The following TP53BP1 variants were observed in gnomAD, a reference collection of about 807,000 sequenced individuals.
TP53BP1 encodes tumor protein p53 binding protein 1.
Under a neutral mutation model 200.8 loss-of-function variants are expected in TP53BP1, and 61 were observed. That is an observed-to-expected ratio of 0.30 (90% CI 0.25 to 0.38). The LOEUF (loss-of-function observed/expected upper bound fraction) is 0.38. TP53BP1 is among the 10% of genes least tolerant of loss of function. The pLI is 1.00. For missense variants in TP53BP1, 2,144 were observed against 2,371.9 expected (o/e 0.90, Z 2.00); for synonymous variants, 822 against 844.3 (o/e 0.97, Z 0.46).
Position 43,498,409 on chromosome 15 carries a change from G to A in TP53BP1, c.-8-5941C>T, listed in dbSNP as rs1012310193. On this transcript the variant is annotated intron_variant, in intron 1 of 27. Transcript: ENST00000263801. The stretch of plus-strand genomic sequence containing the variant: ...GTGTCACTTGATATAATGCACTGAG[G>A]ATATATCACACTTTAATTGTATTCT... Among the ~76,000 whole-genome samples, 9 of 152,228 alleles carry A rather than the reference G, an allele frequency of 5.9e-5. No individual in the cohort carries two copies. The South Asian group carries it at 1.7e-3, about 28-fold the overall frequency.
intron 11 of TP53BP1, among the ~76,000 whole-genome samples, chr15:43,467,982 A>C (rs186425991): frequency 1.7e-4 from 26 of 152,060 alleles, no homozygotes; most frequent in Non-Finnish European, 2.9e-4. Context: ...ACTGGGTTTC[A>C]CTGTGCTGGC....
Position 43,480,950 on chromosome 15 carries a change from C to T in TP53BP1, c.444G>A (p.Glu148=). The stretch of plus-strand genomic sequence containing the variant: ...CTGAAGTATCTTCTTCCTTCTCTTT[C>T]TCCTTCTGTTCCAACTCTTCTCCCT... ...EEKGEELEQK[E]KEKEEDTSGN... is the part of the protein sequence containing the mutation. Residue 148 remains glutamate, a synonymous_variant, in exon 5 of 28, where the codon GAG becomes GAA. Coordinates refer to ENST00000382044, the MANE Select transcript of TP53BP1 (RefSeq NM_001141980.3). The T allele has an allele frequency of 6.2e-7, 1 of 1,614,124 alleles. No homozygotes were observed. Among genetic ancestry groups the T allele is most frequent in the Non-Finnish European group, 8.5e-7 (1 of 1,179,996 alleles).
intron 24 of TP53BP1, 58 bp from the exon 25 acceptor site, chr15:43,409,799 C>G (rs775251670): frequency 1.7e-5 from 14 of 815,604 alleles, no homozygotes; most frequent in Non-Finnish European, 2.4e-5. Context: ...TATTTGCTAC[C>G]TTATGCCTCC....
chr15:43,446,906 C>T (rs1379880751), intron 13 of TP53BP1: 2 of 771,420 alleles, frequency 2.6e-6, no homozygotes, highest in African/African-American at 3.5e-5. Context: ...TGTTACCTCC[C>T]AGCACTGACT....
intron 4 of TP53BP1, among the ~76,000 whole-genome samples, chr15:43,485,738 G>A (rs1301428298): frequency 6.6e-6 from 1 of 151,670 alleles, no homozygotes; most frequent in Non-Finnish European, 1.5e-5. Flanking sequence ...AGCTACTCAG[G>A]AGGCTGAGGG....
rs747415179 is a variant in TP53BP1, at chr15:43,403,676, C to T, written c.*3707G>A. 15 of 1,603,014 alleles carry T rather than the reference C, an allele frequency of 9.4e-6. No homozygotes were observed. In the East Asian group the frequency reaches 1.8e-4, roughly 19 times the overall value. On this transcript the variant is annotated 3_prime_UTR_variant, in exon 28 of 28. Coordinates refer to ENST00000382044, the MANE Select transcript of TP53BP1 (RefSeq NM_001141980.3). ...CTTTCCTAATGCCAACTCTGTTTCC[C>T]GGGTAGGTGTTTCACTGCCTGAATG...
intron 27 of TP53BP1, 67 bp from the exon 28 acceptor site, chr15:43,407,637 A>G: frequency 1.4e-6 from 2 of 1,460,476 alleles, no homozygotes; most frequent in Non-Finnish European, 1.9e-6. Flanking sequence ...AGAAAGAGAG[A>G]TTTGATTCTA....
At chr15:43,498,897 C>T (rs980396872) in intron 1 of TP53BP1, among the ~76,000 whole-genome samples, 10 of 151,992 alleles carry the variant, frequency 6.6e-5, no homozygotes, top group African/African-American at 2.2e-4. Context: ...CTGCACCTGA[C>T]ATAGGAACAG....
intron 1 of TP53BP1, among the ~76,000 whole-genome samples, chr15:43,499,019 CAAAAAA>C (rs540418662): frequency 7.1e-6 from 1 of 141,366 alleles, no homozygotes; most frequent in African/African-American, 2.5e-5. Flanking sequence ...ACAACAACAA[CAAAAAA>C]AAAAAAACAA....
chr15:43,481,581 C>A (rs1445838842), intron 4 of TP53BP1, among the ~76,000 whole-genome samples: 1 of 151,514 alleles, frequency 6.6e-6, no homozygotes, highest in East Asian at 1.9e-4. Context: ...CTTTGGGAGG[C>A]AGAGGCAGGC....
rs56813954 is a variant in TP53BP1, at chr15:43,409,748, TAAAAA to T, written c.5306-12_5306-8del. The T allele has an allele frequency of 9.8e-6, 12 of 1,223,558 alleles. No individual in the cohort carries two copies. The African/African-American group carries it at 1.7e-4, about 18-fold the overall frequency. The allele number at this position is 1,223,558 out of a possible 1,614,324, so 75.8% of individuals were successfully genotyped here. ...GGAGGAATTTCCAAAAATTCTATAT[TAAAAA>T]AAAAAACCAAGATAATAATTACTGA... is the stretch of plus-strand genomic sequence containing the variant. On this transcript the variant is annotated splice_region_variant and splice_polypyrimidine_tract_variant and intron_variant, in intron 24 of 27. Coordinates refer to ENST00000382044, the MANE Select transcript of TP53BP1 (RefSeq NM_001141980.3).
intron 1 of TP53BP1, among the ~76,000 whole-genome samples, chr15:43,503,048 C>A (rs547251889): frequency 3.4e-4 from 51 of 152,064 alleles, no homozygotes; most frequent in Non-Finnish European, 6.5e-4. Context: ...CCACCTTGCC[C>A]GGCCTATCTT....
chr15:43,405,187 T>C lies in TP53BP1; in HGVS notation c.*2196A>G. ...AAAGCATGACACTTAATAAGGCTCT[T>C]TTTCTCTTTTGTAGTTTCGGGATGT... On this transcript the variant is annotated 3_prime_UTR_variant, in exon 28 of 28. Transcript: ENST00000382044. 2 of 1,614,132 alleles carry C rather than the reference T, an allele frequency of 1.2e-6. No individual in the cohort carries two copies. The highest frequency in any genetic ancestry group is 1.7e-6 in the Non-Finnish European group (2 of 1,179,986).
In TP53BP1 at chr15:43,456,499, G is replaced by T; in HGVS notation, c.2109C>A (p.Ser703=). 6.3e-7 allele frequency: 1 copy of T among 1,588,398 alleles called. No homozygotes were observed. Among genetic ancestry groups the T allele is most frequent in the Non-Finnish European group, 8.6e-7 (1 of 1,169,284 alleles). ...TTTCCTTTTGAAGACACAACCCTTGGGACTGAGTTTCAGTCAGAGAAAGGT... is the reference window on the plus strand; with the variant it reads ...TTTCCTTTTGAAGACACAACCCTTGTGACTGAGTTTCAGTCAGAGAAAGGT... ...PLHLSLTETQ[S]QGLCLQKEMP... The change falls in exon 12 of 28, where the codon TCC becomes TCA. Residue 703 remains serine (S), a synonymous_variant. Coordinates refer to ENST00000382044, the MANE Select transcript of TP53BP1 (RefSeq NM_001141980.3).
rs988514986 is a variant in TP53BP1, at chr15:43,461,870, G to A, written c.1390-4652C>T. ...TTTTTAGTAGAGATGGGGTTTCACCGTGTTGGCCAGGCCGGTCTCAAACTC... is the reference window on the plus strand; with the variant it reads ...TTTTTAGTAGAGATGGGGTTTCACCATGTTGGCCAGGCCGGTCTCAAACTC... On this transcript the variant is annotated intron_variant, in intron 11 of 27. Coordinates refer to ENST00000382044, the MANE Select transcript of TP53BP1 (RefSeq NM_001141980.3). 7.3e-5 allele frequency among the ~76,000 whole-genome samples: 11 copies of A among 151,284 alleles called. No homozygotes were observed. The South Asian group carries it at 1.3e-3, about 17-fold the overall frequency.
intron 16 of TP53BP1, among the ~76,000 whole-genome samples, chr15:43,435,693 A>ATTT (rs11454328): frequency 4.7e-5 from 7 of 147,674 alleles, no homozygotes; most frequent in Non-Finnish European, 9.0e-5. Context: ...CTACCTATTA[A>ATTT]TTTTTTTTTT....
At chr15:43,413,025 T>C in intron 24 of TP53BP1, 94 bp downstream of exon 24, 1 of 1,229,048 alleles carries the variant, frequency 8.1e-7, no homozygotes, top group Non-Finnish European at 1.2e-6. Flanking sequence ...CCTTGCCTCC[T>C]CTACATACAA....
At chr15:43,486,801 T>C (rs1331637662) in intron 4 of TP53BP1, among the ~76,000 whole-genome samples, 1 of 152,114 alleles carries the variant, frequency 6.6e-6, no homozygotes, top group Non-Finnish European at 1.5e-5. Context: ...TTTTTTTGTA[T>C]TTTTGGTAAA....
intron 16 of TP53BP1, among the ~76,000 whole-genome samples, chr15:43,436,633 T>C (rs966671010): frequency 2.0e-5 from 3 of 149,680 alleles, no homozygotes; most frequent in East Asian, 2.0e-4. Flanking sequence ...TGCCACCACA[T>C]CCGGCTTTTT....
Sources: gnomAD v4.1 joint callset for allele counts (sites outside exome capture counted in the v4.1 genomes callset) on GRCh38, gnomAD v4.1.1 for gene constraint, MANE v1.5 for transcripts, NCBI Gene and HGNC (gene_info 2026-07-23, HGNC 2026-07-21) for gene names.